MIS18A: variants seen among roughly 807,000 people sequenced by gnomAD.
MIS18A encodes protein Mis18-alpha.
MIS18A carries 14 observed loss-of-function variants against 25.0 expected under a neutral mutation model. The observed-to-expected ratio is 0.56, with a 90% confidence interval of 0.37 to 0.88. MIS18A has a LOEUF of 0.88. MIS18A is among the 40% of genes least tolerant of loss of function. The probability of loss-of-function intolerance (pLI) is 0.00; values close to 1 mark genes in which losing one functional copy is unlikely to be tolerated. For synonymous variants in MIS18A, 134 were observed against 118.6 expected, an observed-to-expected ratio of 1.13 and a Z score of -0.84; for missense variants, 292 against 290.8, an observed-to-expected ratio of 1.00 and a Z score of -0.03.
the MIS18A span, among the ~76,000 whole-genome samples, chr21:32,214,057 G>A: frequency 6.6e-6 from 1 of 152,148 alleles, no homozygotes; most frequent in Non-Finnish European, 1.5e-5. Flanking sequence ...TGTCCCCTAG[G>A]AAACCAGAGT....
chr21:32,225,122 A>C, the MIS18A span, among the ~76,000 whole-genome samples: 3 of 81,962 alleles, frequency 3.7e-5, no homozygotes, highest in Non-Finnish European at 4.5e-5. Flanking sequence ...TTATACAAAA[A>C]TCAATTCAAG....
the MIS18A span, among the ~76,000 whole-genome samples, chr21:32,254,659 A>G: frequency 6.6e-6 from 1 of 152,248 alleles, no homozygotes; most frequent in African/African-American, 2.4e-5. Flanking sequence ...GTTGTTATAA[A>G]TAAGAAAACT....
chr21:32,255,026 G>A, the MIS18A span, among the ~76,000 whole-genome samples: 4 of 152,256 alleles, frequency 2.6e-5, no homozygotes, highest in Middle Eastern at 3.4e-3. Flanking sequence ...TCATAATATA[G>A]TAATATAGAA....
At chr21:32,180,182 C>A in the MIS18A span, among the ~76,000 whole-genome samples, 1 of 152,302 alleles carries the variant, frequency 6.6e-6, no homozygotes, top group African/African-American at 2.4e-5. Context: ...TACAGACTCA[C>A]CTAGGCCAGT....
At chr21:32,263,888 G>A (rs193270896), downstream of MIS18A, among the ~76,000 whole-genome samples, 69 of 149,724 alleles carry the variant, frequency 4.6e-4, no homozygotes, top group Middle Eastern at 3.5e-3. Context: ...GCTACCAACA[G>A]TTTAATGACC....
Position 32,268,946 on chromosome 21 carries a change from T to C in MIS18A, c.*91A>G, listed in dbSNP as rs1490634190. 5 of 961,830 alleles carry C rather than the reference T, an allele frequency of 5.2e-6. No individual in the cohort carries two copies. Among genetic ancestry groups the C allele is most frequent in the Non-Finnish European group, 7.6e-6 (5 of 655,504 alleles). 59.6% of individuals were successfully genotyped at this position (961,830 alleles called of 1,614,324 possible). A position where few individuals can be genotyped will look rare whatever the true frequency, so the allele number is the denominator to read the frequency against. The stretch of plus-strand genomic sequence containing the variant: ...CCTGGCTAATTTTTTTTTTCTTTTT[T>C]TTTTTGTAGAGACGACGTCTCACTA... On this transcript the variant is annotated 3_prime_UTR_variant, in exon 5 of 5. Coordinates refer to ENST00000290130, the MANE Select transcript of MIS18A (RefSeq NM_018944.3).
At chr21:32,218,615 T>C in the MIS18A span, among the ~76,000 whole-genome samples, 3 of 152,108 alleles carry the variant, frequency 2.0e-5, no homozygotes, top group Non-Finnish European at 4.4e-5. Context: ...TAAATTAAGA[T>C]GTTAAATGTA....
chr21:32,161,585 G>A, the MIS18A span, among the ~76,000 whole-genome samples: 5 of 151,400 alleles, frequency 3.3e-5, no homozygotes, highest in South Asian at 4.2e-4. Flanking sequence ...TCCGCCTCCC[G>A]GCTTCAAGAG....
the MIS18A span, among the ~76,000 whole-genome samples, chr21:32,201,260 C>T: frequency 6.6e-6 from 1 of 152,040 alleles, no homozygotes; most frequent in South Asian, 2.1e-4. Context: ...ACACTTCCCA[C>T]CAGGCCCCAC....
the MIS18A span, among the ~76,000 whole-genome samples, chr21:32,231,724 A>G: frequency 6.6e-6 from 1 of 152,082 alleles, no homozygotes; most frequent in Non-Finnish European, 1.5e-5. Flanking sequence ...CCATCCTGAT[A>G]AACACGGTGA....
intron 2 of MIS18A, among the ~76,000 whole-genome samples, chr21:32,272,161 A>AT (rs1412840302): frequency 1.3e-5 from 2 of 152,224 alleles, no homozygotes; most frequent in Non-Finnish European, 2.9e-5. Context: ...GAACAGTAAC[A>AT]TTGAGAAGGC....
the MIS18A span, among the ~76,000 whole-genome samples, chr21:32,216,034 C>G: frequency 6.6e-6 from 1 of 152,062 alleles, no homozygotes; most frequent in Non-Finnish European, 1.5e-5. Flanking sequence ...CTAAAGACCT[C>G]TAAAACTCCT....
At chr21:32,235,706 C>T in the MIS18A span, among the ~76,000 whole-genome samples, 3 of 152,188 alleles carry the variant, frequency 2.0e-5, no homozygotes, top group Admixed American at 6.5e-5. Context: ...ATAGCCTGCA[C>T]GTTCTCTGTG....
chr21:32,236,201 C>T, the MIS18A span, among the ~76,000 whole-genome samples: 298 of 140,082 alleles, frequency 2.1e-3, no homozygotes, highest in Non-Finnish European at 3.1e-3. Flanking sequence ...GGTGAAACCC[C>T]GTCTCTACTA....
At chr21:32,251,389 CTCTCTA>C in the MIS18A span, among the ~76,000 whole-genome samples, 1 of 152,108 alleles carries the variant, frequency 6.6e-6, no homozygotes, top group Non-Finnish European at 1.5e-5. Flanking sequence ...CACCTCCCAG[CTCTCTA>C]TCTCTGATTA....
downstream of MIS18A, among the ~76,000 whole-genome samples, chr21:32,266,127 A>G (rs13047451): frequency 6.7e-6 from 1 of 150,036 alleles, no homozygotes; most frequent in Non-Finnish European, 1.5e-5. Context: ...GTTTGTAAAT[A>G]CACCAATCAG....
At chr21:32,178,341 G>A in the MIS18A span, among the ~76,000 whole-genome samples, 32 of 152,064 alleles carry the variant, frequency 2.1e-4, no homozygotes, top group Non-Finnish European at 2.5e-4. Context: ...TATTGCTGTC[G>A]TTGTCATTTT....
downstream of MIS18A, among the ~76,000 whole-genome samples, chr21:32,267,913 C>T (rs2031634591): frequency 6.6e-6 from 1 of 152,204 alleles, no homozygotes; most frequent in South Asian, 2.1e-4. Flanking sequence ...TGTCGACAAT[C>T]TCTCAGAAAG....
At chr21:32,160,087 C>T in the MIS18A span, among the ~76,000 whole-genome samples, 4 of 152,242 alleles carry the variant, frequency 2.6e-5, no homozygotes, top group South Asian at 6.2e-4. Context: ...CAAGGAAATA[C>T]ATTTTGGGGT....
Sources: gnomAD v4.1 joint callset for allele counts (sites outside exome capture counted in the v4.1 genomes callset) on GRCh38, gnomAD v4.1.1 for gene constraint, MANE v1.5 for transcripts, NCBI Gene and HGNC (gene_info 2026-07-23, HGNC 2026-07-21) for gene names.